SEMA3A: variants seen among roughly 807,000 people sequenced by gnomAD.
SEMA3A encodes the protein semaphorin-3A.
A neutral mutation model predicts 97.9 loss-of-function variants in SEMA3A; 29 were observed. The ratio of observed to expected loss-of-function variants is 0.30; its 90% CI spans 0.22 to 0.40. SEMA3A has a LOEUF of 0.40. Among genes scored for constraint, SEMA3A ranks in the 10% least tolerant of loss-of-function variants. SEMA3A has a pLI of 1.00. For synonymous variants in SEMA3A, 321 were observed against 323.7 expected, an observed-to-expected ratio of 0.99 and a Z score of 0.09; for missense variants, 763 against 951.3, an observed-to-expected ratio of 0.80 and a Z score of 2.60.
intron 1 of SEMA3A, among the ~76,000 whole-genome samples, chr7:84,463,163 C>A (rs1178037752): frequency 6.7e-6 from 1 of 149,860 alleles, no homozygotes; most frequent in Non-Finnish European, 1.5e-5. Flanking sequence ...CTACATTCTG[C>A]GTGCATTATT....
intron 3 of SEMA3A, among the ~76,000 whole-genome samples, chr7:84,280,492 T>C (rs1315466106): frequency 6.6e-6 from 1 of 152,096 alleles, no homozygotes; most frequent in Non-Finnish European, 1.5e-5. Context: ...CTTTAAAATG[T>C]CTGTATAGTG....
intron 1 of SEMA3A, among the ~76,000 whole-genome samples, chr7:84,144,889 T>G (rs1235108462): frequency 6.6e-6 from 1 of 152,178 alleles, no homozygotes; most frequent in African/African-American, 2.4e-5. Flanking sequence ...GGCTAGAGAT[T>G]TTCATTATCT....
chr7:84,261,382 C>T (rs1562876378), intron 3 of SEMA3A, among the ~76,000 whole-genome samples: 2 of 152,146 alleles, frequency 1.3e-5, no homozygotes, highest in African/African-American at 4.8e-5. Context: ...GAAAAACCCC[C>T]TTGCTGACCA....
intron 3 of SEMA3A, among the ~76,000 whole-genome samples, chr7:84,237,072 G>C (rs574382420): frequency 4.6e-5 from 7 of 151,966 alleles, no homozygotes; most frequent in Non-Finnish European, 1.0e-4. Flanking sequence ...AATAAATCGG[G>C]AAAAGCAATG....
Position 84,143,945 on chromosome 7 carries a change from T to TAACACACACA in SEMA3A, c.113-8995_113-8994insTGTGTGTGTT, listed in dbSNP as rs1460909365. Among the ~76,000 whole-genome samples the TAACACACACA allele has an allele frequency of 2.7e-5, 3 of 110,294 alleles. No homozygotes were observed. The South Asian group carries it at 8.8e-4, about 32-fold the overall frequency. The allele number at this position is 110,294 out of a possible 152,430, so 72.4% of individuals were successfully genotyped here. The stretch of plus-strand genomic sequence containing the variant: ...ATCTCTCTCTCTCTCTCTCTCTCTC[T>TAACACACACA]CTCTAACACACACACACACACACAC... On this transcript the variant is annotated intron_variant, in intron 1 of 16. Coordinates refer to ENST00000265362, the MANE Select transcript of SEMA3A (RefSeq NM_006080.3).
intron 3 of SEMA3A, among the ~76,000 whole-genome samples, chr7:84,260,389 C>T (rs754609102): frequency 3.9e-5 from 6 of 152,048 alleles, no homozygotes; most frequent in East Asian, 1.9e-4. Flanking sequence ...CAGGAACAGG[C>T]GAGAGCCCCA....
intron 3 of SEMA3A, among the ~76,000 whole-genome samples, chr7:84,237,140 G>A (rs1295870731): frequency 2.0e-5 from 3 of 152,052 alleles, no homozygotes; most frequent in African/African-American, 7.2e-5. Context: ...ATCATAATTA[G>A]CAACTAAGTG....
intron 2 of SEMA3A, among the ~76,000 whole-genome samples, chr7:84,317,241 A>G (rs1471375012): frequency 6.6e-6 from 1 of 152,196 alleles, no homozygotes; most frequent in African/African-American, 2.4e-5. Context: ...TAGTACAGTA[A>G]AACTGAGAAC....
chr7:84,156,021 C>G (rs1367771423), intron 1 of SEMA3A, among the ~76,000 whole-genome samples: 2 of 152,042 alleles, frequency 1.3e-5, no homozygotes, highest in African/African-American at 4.8e-5. Context: ...GTCTGAATAT[C>G]TTTAAAGCCC....
intron 1 of SEMA3A, among the ~76,000 whole-genome samples, chr7:84,417,686 C>T (rs1804472821): frequency 6.6e-6 from 1 of 151,866 alleles, no homozygotes. Context: ...GCTGTTAATA[C>T]TCAGTTATTC....
chr7:84,285,025 A>G (rs1023613803), intron 3 of SEMA3A, among the ~76,000 whole-genome samples: 1 of 152,184 alleles, frequency 6.6e-6, no homozygotes, highest in African/African-American at 2.4e-5. Context: ...TTGGCAGTGC[A>G]CGTTCTCCAC....
intron 12 of SEMA3A, among the ~76,000 whole-genome samples, chr7:83,991,794 G>T (rs1271918078): frequency 7.4e-6 from 1 of 135,338 alleles, no homozygotes; most frequent in Non-Finnish European, 1.6e-5. Flanking sequence ...TTTTGGTTGT[G>T]TCTCTGCCTG....
intron 1 of SEMA3A, among the ~76,000 whole-genome samples, chr7:84,142,799 CCAAA>C (rs558076444): frequency 5.8e-4 from 88 of 152,218 alleles, no homozygotes; most frequent in African/African-American, 1.9e-3. Flanking sequence ...CCTCCAAAGT[CCAAA>C]CAAAGACTTA....
intron 1 of SEMA3A, among the ~76,000 whole-genome samples, chr7:84,140,495 G>C (rs1562807678): frequency 6.6e-6 from 1 of 152,052 alleles, no homozygotes; most frequent in Non-Finnish European, 1.5e-5. Flanking sequence ...GACCCCACCA[G>C]TTGCTGGACT....
At chr7:84,266,156 T>C (rs1799995181) in intron 3 of SEMA3A, among the ~76,000 whole-genome samples, 1 of 151,332 alleles carries the variant, frequency 6.6e-6, no homozygotes, top group Non-Finnish European at 1.5e-5. Context: ...CTGTCTCTAC[T>C]AAAAATACAA....
chr7:84,005,363 A>G lies in SEMA3A; in HGVS notation c.1336T>C (p.Tyr446His), dbSNP rs1290410727. Reference sequence around the variant, plus strand: ...CCTGTTCCGATAAACATAACATCATACTGTCCATCTTCTGCATCCACTCGG... The same window carrying G: ...CCTGTTCCGATAAACATAACATCATGCTGTCCATCTTCTGCATCCACTCGG... ...VDRVDAEDGQ[Y>H]DVMFIGTDVG... Residue 446 changes from tyrosine to histidine, a missense_variant, in exon 11 of 17, where the codon TAT becomes CAT. By Grantham distance (83) the Tyr-to-His change is moderately conservative. Around this residue, in one of 2 missense-constraint regions of SEMA3A, gnomAD observed 678 missense variants for 881.3 expected, o/e 0.77. Transcript: ENST00000265362. The G allele has an allele frequency of 6.2e-7, 1 of 1,613,104 alleles. No homozygotes were observed. Among genetic ancestry groups the G allele is most frequent in the African/African-American group, 1.3e-5 (1 of 74,878 alleles).
chr7:84,448,600 T>C (rs1805484845), intron 1 of SEMA3A, among the ~76,000 whole-genome samples: 1 of 151,904 alleles, frequency 6.6e-6, no homozygotes, highest in African/African-American at 2.4e-5. Flanking sequence ...TAGGAATTAA[T>C]TTAACAAGAA....
At chr7:84,038,996 T>C (rs956213010) in intron 6 of SEMA3A, among the ~76,000 whole-genome samples, 1 of 152,136 alleles carries the variant, frequency 6.6e-6, no homozygotes, top group African/African-American at 2.4e-5. Context: ...TAGCTATCAA[T>C]TAAAACATAA....
At chr7:84,158,224 G>C (rs565344945) in intron 1 of SEMA3A, among the ~76,000 whole-genome samples, 1 of 134,426 alleles carries the variant, frequency 7.4e-6, no homozygotes, top group Non-Finnish European at 1.5e-5. Context: ...GCGTGATCTC[G>C]GCTCACTGCA....
Sources: allele counts gnomAD v4.1 joint callset (sites outside exome capture counted in the v4.1 genomes callset), GRCh38; gene constraint gnomAD v4.1.1; regional missense constraint gnomAD v4.1.1; transcripts MANE v1.5; gene names NCBI Gene and HGNC (gene_info 2026-07-23, HGNC 2026-07-21).